Variants in PLOD1 observed in about 807,000 individuals in gnomAD.
The protein encoded by PLOD1 is lysine hydroxylase.
PLOD1 carries 70 observed loss-of-function variants against 94.7 expected under a neutral mutation model. The ratio of observed to expected loss-of-function variants is 0.74; its 90% CI spans 0.61 to 0.90. The LOEUF is 0.90. Among genes scored for constraint, PLOD1 ranks in the 40% least tolerant of loss-of-function variants. The pLI is 0.00. For missense variants in PLOD1, 905 were observed against 972.7 expected, an observed-to-expected ratio of 0.93 and a Z score of 0.93; for synonymous variants, 417 against 400.2, an observed-to-expected ratio of 1.04 and a Z score of -0.50.
At chr1:11,969,139 C>T (rs1645843491) in intron 16 of PLOD1, among the ~76,000 whole-genome samples, 2 of 151,634 alleles carry the variant, frequency 1.3e-5, no homozygotes, top group Non-Finnish European at 1.5e-5. Flanking sequence ...AGGTACCCAC[C>T]ACTACGCCTG....
chr1:11,950,405 C>T lies in PLOD1; in HGVS notation c.351C>T (p.Phe117=). ...GGCCCCGGGAGCTCCTGAAGAAGTT[C>T]CGGCAGGCCAGGAGCCAGGTGGTCT... The part of the protein sequence containing the change: ...ASGPRELLKK[F]RQARSQVVFS... Residue 117 remains phenylalanine, a synonymous_variant, in exon 4 of 19, where the codon TTC becomes TTT. Transcript: ENST00000196061. The T allele has an allele frequency of 6.2e-7, 1 of 1,614,140 alleles. No individual in the cohort carries two copies. Among genetic ancestry groups the T allele is most frequent in the Non-Finnish European group, 8.5e-7 (1 of 1,179,994 alleles).
chr1:11,969,503 G>A (rs557023621), intron 16 of PLOD1, among the ~76,000 whole-genome samples: 2 of 152,328 alleles, frequency 1.3e-5, no homozygotes, highest in East Asian at 3.9e-4. Flanking sequence ...GGGGCTGGCT[G>A]ATGCTTGTGC....
intron 1 of PLOD1, among the ~76,000 whole-genome samples, chr1:11,944,339 G>A (rs373756654): frequency 4.6e-5 from 7 of 151,826 alleles, no homozygotes; most frequent in South Asian, 4.2e-4. Context: ...TTTGAGCCAC[G>A]CCACCCCATC....
Position 11,958,948 on chromosome 1 carries a change from T to C in PLOD1, c.975+301T>C, listed in dbSNP as rs1357008124. Among the ~76,000 whole-genome samples the C allele has an allele frequency of 6.6e-6, 1 of 152,212 alleles. No individual in the cohort carries two copies. The highest frequency in any genetic ancestry group is 1.5e-5 in the Non-Finnish European group (1 of 68,028). Reference sequence around the variant, plus strand: ...AGTCGGGCGCGGTGGCTCATGCCTGTAATCCCAGCACTTTGGGAGGCCCAG... The same window carrying C: ...AGTCGGGCGCGGTGGCTCATGCCTGCAATCCCAGCACTTTGGGAGGCCCAG... On this transcript the variant is annotated intron_variant, in intron 9 of 18. Coordinates refer to ENST00000196061, the MANE Select transcript of PLOD1 (RefSeq NM_000302.4). The surrounding 1 kb of genome is among the most constrained non-coding windows in gnomAD (Gnocchi z 4.3).
At chr1:11,965,443 G>A (rs372583550) in intron 13 of PLOD1, 37 bp from the exon 14 acceptor site, 79 of 1,227,786 alleles carry the variant, frequency 6.4e-5, no homozygotes, top group Admixed American at 1.3e-4. Flanking sequence ...GGGGAGGGGT[G>A]GGGGAGCGCC....
At chr1:11,964,582 A>C in intron 12 of PLOD1, 62 bp from the exon 13 acceptor site, 3 of 1,349,404 alleles carry the variant, frequency 2.2e-6, no homozygotes, top group Non-Finnish European at 2.1e-6. Flanking sequence ...CCACCCTGTG[A>C]CCCCCTCCAT....
chr1:11,958,210 C>G lies in PLOD1; in HGVS notation c.843+267C>G, dbSNP rs1387188722. Among the ~76,000 whole-genome samples the G allele has an allele frequency of 4.6e-5, 7 of 152,052 alleles. No homozygotes were observed. ...GGCTCTCCTGCAGCCCCCTCCCCAT[C>G]CCATGAACCTCATCCTCATTTATGA... On this transcript the variant is annotated intron_variant, in intron 8 of 18. Transcript: ENST00000196061. This position sits in a 1 kb window ranked among gnomAD's most constrained non-coding sequence, Gnocchi z 4.3.
chr1:11,947,236 C>CAAAA (rs58975312), intron 1 of PLOD1, among the ~76,000 whole-genome samples: 2 of 124,436 alleles, frequency 1.6e-5, no homozygotes, highest in African/African-American at 5.8e-5. Flanking sequence ...GATGCTGTCT[C>CAAAA]AAAAAAAAAA....
chr1:11,946,127 G>T (rs1553133329), intron 1 of PLOD1, among the ~76,000 whole-genome samples: 1 of 152,002 alleles, frequency 6.6e-6, no homozygotes, highest in Non-Finnish European at 1.5e-5. Flanking sequence ...TGCTTTCCAA[G>T]GGGGAAACTG....
intron 2 of PLOD1, 125 bp downstream of exon 2, chr1:11,948,192 G>A (rs997363346): frequency 5.4e-6 from 4 of 744,506 alleles, no homozygotes; most frequent in Non-Finnish European, 9.8e-6. Flanking sequence ...GCTTCTGGAA[G>A]CCTGAAGGAT....
At chr1:11,966,337 C>G in intron 15 of PLOD1, 21 bp downstream of exon 15, 1 of 1,579,194 alleles carries the variant, frequency 6.3e-7, no homozygotes, top group Non-Finnish European at 8.7e-7. Context: ...TGGACACCCT[C>G]TTGGACCAGC....
At chr1:11,968,049 GT>G (rs1415830541) in intron 16 of PLOD1, among the ~76,000 whole-genome samples, 1 of 151,364 alleles carries the variant, frequency 6.6e-6, no homozygotes, top group Non-Finnish European at 1.5e-5. Context: ...CCTTTCCCAA[GT>G]TCAAGCAGTT....
chr1:11,952,417 G>A (rs1645709422), intron 4 of PLOD1, among the ~76,000 whole-genome samples: 1 of 152,200 alleles, frequency 6.6e-6, no homozygotes, highest in African/African-American at 2.4e-5. Context: ...GGGTCATTAG[G>A]AACTCATTAA....
At chr1:11,966,411 C>T (rs1482013086) in intron 15 of PLOD1, 95 bp downstream of exon 15, 5 of 719,370 alleles carry the variant, frequency 7.0e-6, no homozygotes, top group African/African-American at 3.8e-5. Context: ...TGGGGGACAG[C>T]AGGATGGGAG....
At chr1:11,934,921 C>T (rs1027236038) in intron 1 of PLOD1, 66 bp downstream of exon 1, 2 of 1,503,628 alleles carry the variant, frequency 1.3e-6, no homozygotes, top group Admixed American at 2.1e-5. Context: ...CGGGCTGCCT[C>T]CCTGGGAACG....
intron 5 of PLOD1, chr1:11,954,494 A>G (rs146439047): frequency 1.8e-6 from 1 of 571,388 alleles, no homozygotes; most frequent in Non-Finnish European, 3.5e-6. Flanking sequence ...CTCAAAAAAA[A>G]GAATATTTGG....
In PLOD1 at chr1:11,957,025, C is replaced by T. The variant is rs761517804; in HGVS notation, c.741+11C>T. The T allele has an allele frequency of 8.3e-6, 13 of 1,569,392 alleles. No homozygotes were observed. The East Asian group carries it at 8.9e-5, about 11-fold the overall frequency. ...AACGGGCCAACCAAGGTAGGGGGTC[C>T]CCAGCCCCTGGGGAGTGTGGGAGGG... On this transcript the variant is annotated intron_variant, in intron 7 of 18. Coordinates refer to ENST00000196061, the MANE Select transcript of PLOD1 (RefSeq NM_000302.4). This position sits in a 1 kb window ranked among gnomAD's most constrained non-coding sequence, Gnocchi z 4.1.
chr1:11,950,468 G>A lies in PLOD1; in HGVS notation c.414G>A (p.Leu138=), dbSNP rs1362504988. The change falls in exon 4 of 19, where the codon CTG becomes CTA. Residue 138 remains leucine, a synonymous_variant. Transcript: ENST00000196061. ...AEELIYPDRR[L]ETKYPVVSDG... ...AGCTCATCTACCCAGACCGCAGGCT[G>A]GAGACCAAGTATCCGGTGGTGTCCG... 1 of 1,614,102 alleles carries A rather than the reference G, an allele frequency of 6.2e-7. No individual in the cohort carries two copies. The highest frequency in any genetic ancestry group is 1.7e-5 in the Admixed American group (1 of 60,014).
At chr1:11,971,139 T>C (rs1382358645) in intron 17 of PLOD1, among the ~76,000 whole-genome samples, 1 of 46,374 alleles carries the variant, frequency 2.2e-5, no homozygotes, top group Non-Finnish European at 4.2e-5. Context: ...GGTGAGGGAG[T>C]GGAGAGACTG....
Sources: allele counts gnomAD v4.1 joint callset (sites outside exome capture counted in the v4.1 genomes callset), GRCh38; gene constraint gnomAD v4.1.1; non-coding constraint Gnocchi (gnomAD v3.1); transcripts MANE v1.5; gene names NCBI Gene and HGNC (gene_info 2026-07-23, HGNC 2026-07-21).